MROH2A: variants seen among roughly 807,000 people sequenced by gnomAD.
MROH2A encodes the protein maestro heat-like repeat-containing protein family member 2A.
MROH2A carries 174 observed loss-of-function variants against 200.4 expected under a neutral mutation model. The ratio of observed to expected loss-of-function variants is 0.87; its 90% CI spans 0.77 to 0.98. The LOEUF (loss-of-function observed/expected upper bound fraction) is 0.98. Among genes scored for constraint, MROH2A ranks in the 50% least tolerant of loss-of-function variants. The probability of loss-of-function intolerance (pLI) is 0.00; values close to 1 mark genes in which losing one functional copy is unlikely to be tolerated. For synonymous variants in MROH2A, 829 were observed against 840.4 expected, an observed-to-expected ratio of 0.99 and a Z score of 0.23; for missense variants, 2,045 against 2,139.6, an observed-to-expected ratio of 0.96 and a Z score of 0.87.
In MROH2A at chr2:233,822,531, C is replaced by G. The variant is rs1392271481; in HGVS notation, c.3841C>G (p.Leu1281Val). ...GTGGAAGCTGGTCCACACCACTCCT[C>G]TGCCGGAGGAGATGAACCTGCAAAG... ...KMWKLVHTTP[L>V]PEEMNLQRVT... Residue 1281 changes from leucine to valine, a missense_variant, in exon 33 of 42, where the codon CTG (leucine) becomes GTG (valine). This residue lies in a region of MROH2A where 1,201 missense variants were observed against 1,311.3 expected (regional missense o/e 0.92). Coordinates refer to ENST00000389758, the MANE Select transcript of MROH2A (RefSeq NM_001394639.1). The G allele has an allele frequency of 1.5e-5, 24 of 1,550,174 alleles. No homozygotes were observed. The highest frequency in any genetic ancestry group is 1.9e-5 in the Non-Finnish European group (22 of 1,147,040).
chr2:233,788,607 C>T (rs180740120), intron 3 of MROH2A, among the ~76,000 whole-genome samples: 6 of 152,174 alleles, frequency 3.9e-5, no homozygotes, highest in Non-Finnish European at 8.8e-5. Context: ...GCTTTGCAGG[C>T]AGTGGCTCCA....
chr2:233,818,426 A>G (rs1703696929), intron 28 of MROH2A, among the ~76,000 whole-genome samples: 1 of 152,156 alleles, frequency 6.6e-6, no homozygotes. Context: ...AGAGCTGGCC[A>G]GAGCTGAGTT....
At chr2:233,832,401 G>C (rs966227479) in intron 40 of MROH2A, 122 bp downstream of exon 40, 2 of 992,032 alleles carry the variant, frequency 2.0e-6, no homozygotes, top group African/African-American at 1.6e-5. Context: ...CCAGAGCTCA[G>C]GTCTAAGCCC....
chr2:233,799,242 A>G (rs531960827), intron 12 of MROH2A, among the ~76,000 whole-genome samples: 1 of 152,336 alleles, frequency 6.6e-6, no homozygotes, highest in Non-Finnish European at 1.5e-5. Flanking sequence ...CATGGCAGCC[A>G]CATCCACCTT....
rs567740595 is a variant in MROH2A at position 233,818,595 on chromosome 2, G to T, written c.3086-57G>T. ...CCAGGGCAGGAGGTAGCCACGAAGG[G>T]GGGGTGGCTGGGCCTTTTGTCCCTG... On this transcript the variant is annotated intron_variant, in intron 28 of 41. Transcript: ENST00000389758. The T allele has an allele frequency of 3.5e-4, 392 of 1,105,404 alleles. No individual in the cohort carries two copies. In the African/African-American group the frequency reaches 5.3e-3, roughly 15 times the overall value. The allele number at this position is 1,105,404 out of a possible 1,614,324, so 68.5% of individuals were successfully genotyped here. A position where few individuals can be genotyped will look rare whatever the true frequency, so the allele number is the denominator to read the frequency against.
chr2:233,832,123 C>A, intron 39 of MROH2A, 54 bp from the exon 40 acceptor site: 2 of 1,397,262 alleles, frequency 1.4e-6, no homozygotes, highest in Admixed American at 2.0e-5. Flanking sequence ...TGAATGACAG[C>A]CCATTGTCAG....
At chr2:233,826,464 A>C in intron 35 of MROH2A, among the ~76,000 whole-genome samples, 1 of 152,352 alleles carries the variant, frequency 6.6e-6, no homozygotes, top group East Asian at 1.9e-4. Flanking sequence ...AAAAACAAGC[A>C]ATGGGGAAAG....
In MROH2A at chr2:233,812,105, G is replaced by A. The variant is rs1454322576; in HGVS notation, c.2651+146G>A. ...TCACTTGGAGGCTCCCCAGGGCAAT[G>A]GGCCAGCCTAGATGATGGGGGTCGG... is the stretch of plus-strand genomic sequence containing the variant. On this transcript the variant is annotated intron_variant, in intron 24 of 41. Transcript: ENST00000389758. 11 of 613,860 alleles carry A rather than the reference G, an allele frequency of 1.8e-5. 1 individual carries two copies. The highest frequency in any genetic ancestry group is 1.4e-4 in the Admixed American group (5 of 36,926). 38.0% of individuals were successfully genotyped at this position (613,860 alleles called of 1,614,324 possible).
chr2:233,828,504 C>T lies in MROH2A; in HGVS notation c.4114-126C>T. 5.1e-6 allele frequency: 6 copies of T among 1,181,836 alleles called. No homozygotes were observed. The highest frequency in any genetic ancestry group is 7.0e-6 in the Non-Finnish European group (6 of 853,796). 73.2% of individuals were successfully genotyped at this position (1,181,836 alleles called of 1,614,324 possible). ...GCTTTTTATAGAGAGGAAACGGAGG[C>T]TCTCAGAGCCCCTCCCCTCCTGTCC... On this transcript the variant is annotated intron_variant, in intron 35 of 41. Coordinates refer to ENST00000389758, the MANE Select transcript of MROH2A (RefSeq NM_001394639.1). The surrounding 1 kb of genome is among the most constrained non-coding windows in gnomAD (Gnocchi z 4.6).
At chr2:233,816,693 A>G (rs1703554806) in intron 26 of MROH2A, 88 bp from the exon 27 acceptor site, 2 of 772,330 alleles carry the variant, frequency 2.6e-6, no homozygotes, top group Non-Finnish European at 4.5e-6. Flanking sequence ...CGATCTGAGT[A>G]GGAGGGTGAG....
Position 233,779,422 on chromosome 2 carries a change from G to A in MROH2A, c.64G>A (p.Asp22Asn), listed in dbSNP as rs1222452858. Residue 22 changes from aspartate (D) to asparagine (N), a missense_variant, in exon 2 of 42, where the codon GAC becomes AAC. Physicochemically the swap from Asp to Asn is conservative, Grantham distance 23. Around this residue, in one of 3 missense-constraint regions of MROH2A, gnomAD observed 831 missense variants for 800.0 expected, o/e 1.04. Transcript: ENST00000389758. Reference sequence around the variant, plus strand: ...TGAGGAGGTGTCAGAGGAAAGAGACGACCTGGGGCCTCTTGAATTACATGA... The same window carrying A: ...TGAGGAGGTGTCAGAGGAAAGAGACAACCTGGGGCCTCTTGAATTACATGA... ...SSEEVSEERD[D>N]LGPLELHDSG... The A allele has an allele frequency of 1.4e-5, 22 of 1,549,858 alleles. No individual in the cohort carries two copies. Among genetic ancestry groups the A allele is most frequent in the East Asian group, 4.9e-5 (2 of 40,930 alleles).
At chr2:233,779,583 G>A (rs900503436) in intron 2 of MROH2A, 88 bp from the exon 3 acceptor site, 1 of 1,448,252 alleles carries the variant, frequency 6.9e-7, no homozygotes, top group African/African-American at 1.4e-5. Flanking sequence ...AGCTGGAGCT[G>A]CGCAGGTGGA....
At chr2:233,829,570 G>A (rs1205832864) in intron 37 of MROH2A, 50 bp from the exon 38 acceptor site, 33 of 1,355,452 alleles carry the variant, frequency 2.4e-5, no homozygotes, top group African/African-American at 3.0e-5. Context: ...CTGGGGTTTT[G>A]CTGGGCTTCC....
At position 233,813,679 on chromosome 2, in the gene MROH2A, G is replaced by C. The variant is rs1390789201; in HGVS notation, c.2661G>C (p.Lys887Asn). 6.5e-7 allele frequency: 1 copy of C among 1,547,526 alleles called. No homozygotes were observed. The highest frequency in any genetic ancestry group is 8.7e-7 in the Non-Finnish European group (1 of 1,144,516). ...MEALSHLSKL[K>N]PFYSTEENSE... ...ACTGCTTCTTCTCCAGCAAGCTGAAGCCTTTCTACTCCACAGAGGAAAACA... is the reference window on the plus strand; with the variant it reads ...ACTGCTTCTTCTCCAGCAAGCTGAACCCTTTCTACTCCACAGAGGAAAACA... The change falls in exon 25 of 42, where the codon AAG becomes AAC. Residue 887 changes from lysine (K) to asparagine (N), a missense_variant. By Grantham distance (94) the Lys-to-Asn change is moderately conservative (BLOSUM62 0). Coordinates refer to ENST00000389758, the MANE Select transcript of MROH2A (RefSeq NM_001394639.1).
intron 41 of MROH2A, 126 bp from the exon 42 acceptor site, chr2:233,833,012 C>T (rs562391266): frequency 1.7e-6 from 2 of 1,165,450 alleles, no homozygotes; most frequent in South Asian, 3.3e-5. Context: ...CTTTCCCACA[C>T]AGGAGTTTCC....
At chr2:233,816,924 G>A (rs1484044033) in intron 27 of MROH2A, 39 bp downstream of exon 27, 1 of 1,232,720 alleles carries the variant, frequency 8.1e-7, no homozygotes, top group South Asian at 1.4e-5. Context: ...CTGCTGCTCT[G>A]ACATGCACAG....
chr2:233,789,933 G>A lies in MROH2A; in HGVS notation c.490G>A (p.Glu164Lys), dbSNP rs746390899. ...AAACCACTTCAGCTTGGTCATGTAC[G>A]AGCTGCAGCACCACCTCAAGCCCCT... ...SRNHFSLVMY[E>K]LQHHLKPLNL... is the part of the protein sequence containing the mutation. The change falls in exon 5 of 42, where the codon GAG becomes AAG. Residue 164 changes from glutamate (E) to lysine (K), a missense_variant. Physicochemically the swap from Glu to Lys is moderately conservative, Grantham distance 56. Coordinates refer to ENST00000389758, the MANE Select transcript of MROH2A (RefSeq NM_001394639.1). 67 of 1,550,476 alleles carry A rather than the reference G, an allele frequency of 4.3e-5. 1 individual carries two copies. The Middle Eastern group carries it at 8.4e-4, about 19-fold the overall frequency.
intron 24 of MROH2A, 66 bp from the exon 25 acceptor site, chr2:233,813,604 G>T (rs1016461284): frequency 3.0e-5 from 29 of 952,086 alleles, no homozygotes; most frequent in Non-Finnish European, 4.6e-5. Context: ...CCCAGATTGG[G>T]CAGTGGGGCA....
At position 233,823,550 on chromosome 2, in the gene MROH2A, C is replaced by T. The variant is rs1246732014; in HGVS notation, c.4005-6C>T. On this transcript the variant is annotated splice_polypyrimidine_tract_variant and splice_region_variant and intron_variant, in intron 34 of 41. Coordinates refer to ENST00000389758, the MANE Select transcript of MROH2A (RefSeq NM_001394639.1). The stretch of plus-strand genomic sequence containing the variant: ...TCCACGACCTGGCACTGTCTCTCCT[C>T]TGCAGGCTGTGCATGCAGCACGTGG... 1.9e-6 allele frequency: 3 copies of T among 1,549,604 alleles called. No individual in the cohort carries two copies. The highest frequency in any genetic ancestry group is 8.7e-7 in the Non-Finnish European group (1 of 1,146,752).
Sources: allele counts gnomAD v4.1 joint callset (sites outside exome capture counted in the v4.1 genomes callset), GRCh38; gene constraint gnomAD v4.1.1; regional missense constraint gnomAD v4.1.1; non-coding constraint Gnocchi (gnomAD v3.1); transcripts MANE v1.5; gene names NCBI Gene and HGNC (gene_info 2026-07-23, HGNC 2026-07-21).